DAB1: variants seen among roughly 807,000 people sequenced by gnomAD.
DAB1 encodes disabled homolog 1.
In DAB1, 15 loss-of-function variants were observed where a neutral mutation model predicts 64.6. The ratio of observed to expected loss-of-function variants is 0.23; its 90% CI spans 0.16 to 0.36. The LOEUF (loss-of-function observed/expected upper bound fraction) is 0.36. Among genes scored for constraint, DAB1 ranks in the 10% least tolerant of loss-of-function variants. The pLI, the probability that DAB1 is intolerant of heterozygous loss-of-function variation, is 1.00. For missense variants in DAB1, 596 were observed against 706.7 expected (o/e 0.84, Z 1.78); for synonymous variants, 235 against 251.9 (o/e 0.93, Z 0.64).
intron 7 of DAB1, among the ~76,000 whole-genome samples, chr1:57,501,855 CCCAAA>C (rs1427508065): frequency 6.6e-5 from 10 of 152,168 alleles, no homozygotes; most frequent in South Asian, 2.1e-4. Flanking sequence ...CCTCTCTTTG[CCCAAA>C]CCAACAACTA....
chr1:57,253,176 G>A (rs929417720), intron 2 of DAB1, among the ~76,000 whole-genome samples: 4 of 152,148 alleles, frequency 2.6e-5, no homozygotes, highest in Middle Eastern at 3.2e-3. Context: ...AGGCCAACCA[G>A]GGCAAGCTCT....
chr1:57,906,086 A>T (rs1043362920), intron 5 of DAB1, among the ~76,000 whole-genome samples: 1 of 152,150 alleles, frequency 6.6e-6, no homozygotes, highest in Non-Finnish European at 1.5e-5. Context: ...GGTTCTCCCA[A>T]TGGAAGTAGT....
intron 3 of DAB1, among the ~76,000 whole-genome samples, chr1:57,138,627 C>T (rs1158539416): frequency 2.6e-5 from 4 of 152,164 alleles, no homozygotes; most frequent in Admixed American, 6.5e-5. Context: ...GCTCAATGTG[C>T]TCCTTGTTTT....
intron 7 of DAB1, among the ~76,000 whole-genome samples, chr1:57,553,313 C>A (rs1002065709): frequency 1.5e-5 from 2 of 131,674 alleles, no homozygotes; most frequent in Non-Finnish European, 3.2e-5. Context: ...GTAATAGGAA[C>A]CAATTCAAGA....
At chr1:57,648,730 A>G (rs904878734) in intron 7 of DAB1, among the ~76,000 whole-genome samples, 1 of 152,190 alleles carries the variant, frequency 6.6e-6, no homozygotes, top group African/African-American at 2.4e-5. Flanking sequence ...TTAATGGACC[A>G]TTGTTTAATT....
At chr1:57,662,493 G>T (rs1646399452) in intron 6 of DAB1, among the ~76,000 whole-genome samples, 1 of 152,202 alleles carries the variant, frequency 6.6e-6, no homozygotes, top group Non-Finnish European at 1.5e-5. Flanking sequence ...ACCACGCCTG[G>T]CCTGGAGATT....
At chr1:57,141,726 A>G (rs1658605223) in intron 3 of DAB1, among the ~76,000 whole-genome samples, 1 of 152,044 alleles carries the variant, frequency 6.6e-6, no homozygotes, top group African/African-American at 2.4e-5. Flanking sequence ...CTTAACTTCA[A>G]TCACCACCAT....
chr1:58,029,977 G>A (rs1017606723), intron 5 of DAB1, among the ~76,000 whole-genome samples: 4 of 152,054 alleles, frequency 2.6e-5, no homozygotes, highest in African/African-American at 7.2e-5. Context: ...AGGCTGAGAC[G>A]GGCAGATCAC....
chr1:57,171,350 A>C (rs1007797807), intron 2 of DAB1, among the ~76,000 whole-genome samples: 5 of 152,226 alleles, frequency 3.3e-5, no homozygotes, highest in Non-Finnish European at 7.3e-5. Context: ...TGCTTAGTAC[A>C]ATGCAAATCA....
chr1:57,235,326 T>C (rs914585607), intron 2 of DAB1, among the ~76,000 whole-genome samples: 7 of 152,232 alleles, frequency 4.6e-5, no homozygotes, highest in African/African-American at 1.7e-4. Flanking sequence ...ACATAGTAGG[T>C]ACACAGAAAC....
chr1:58,333,361 G>GA (rs940807076), intron 4 of DAB1, among the ~76,000 whole-genome samples: 4 of 151,636 alleles, frequency 2.6e-5, no homozygotes, highest in South Asian at 2.1e-4. Flanking sequence ...CAGAAAAAAG[G>GA]AAAAAAAATT....
At chr1:57,670,088 A>G (rs549528424) in intron 6 of DAB1, among the ~76,000 whole-genome samples, 2 of 152,274 alleles carry the variant, frequency 1.3e-5, no homozygotes, top group Non-Finnish European at 2.9e-5. Flanking sequence ...CACTGAAATT[A>G]TTTTTATTCA....
rs985309525 is a variant in DAB1 at position 57,624,311 on chromosome 1, T to C, written n.625+25281A>G. 3.3e-4 allele frequency among the ~76,000 whole-genome samples: 50 copies of C among 152,166 alleles called. 1 individual carries two copies. Among genetic ancestry groups the C allele is most frequent in the Non-Finnish European group, 1.3e-4 (9 of 68,046 alleles). ...CTTTTGGTGTCACATGACACCAGGA[T>C]GAAATCAGCTCTGCCACTTACCAGC... On this transcript the variant is annotated intron_variant and non_coding_transcript_variant, in intron 7 of 20. Coordinates refer to the DAB1 transcript ENST00000485760.
intron 7 of DAB1, among the ~76,000 whole-genome samples, chr1:57,471,831 C>G (rs1009041218): frequency 1.3e-5 from 2 of 152,164 alleles, no homozygotes; most frequent in Non-Finnish European, 2.9e-5. Context: ...TGTCATATAT[C>G]TGTATTATAC....
intron 1 of DAB1, among the ~76,000 whole-genome samples, chr1:57,347,101 G>A (rs1678173080): frequency 6.6e-6 from 1 of 152,188 alleles, no homozygotes; most frequent in Non-Finnish European, 1.5e-5. Context: ...GGAAGGGAGA[G>A]CCCATTCAGT....
chr1:57,365,573 A>AAT (rs1679929942), intron 1 of DAB1, among the ~76,000 whole-genome samples: 1 of 151,928 alleles, frequency 6.6e-6, no homozygotes, highest in Admixed American at 6.6e-5. Flanking sequence ...ACCCCATAAC[A>AAT]GTTTGAAGAC....
At chr1:57,701,902 T>C (rs1425992867) in intron 6 of DAB1, among the ~76,000 whole-genome samples, 1 of 152,128 alleles carries the variant, frequency 6.6e-6, no homozygotes, top group African/African-American at 2.4e-5. Flanking sequence ...TTCTGAATTG[T>C]TTATTTCTGC....
intron 4 of DAB1, among the ~76,000 whole-genome samples, chr1:57,088,084 T>C (rs1404530267): frequency 1.3e-5 from 2 of 152,214 alleles, no homozygotes; most frequent in Non-Finnish European, 2.9e-5. Flanking sequence ...TTGTTTTGAT[T>C]TTTGAGACAG....
At chr1:58,427,267 G>A (rs572460046) in intron 3 of DAB1, among the ~76,000 whole-genome samples, 1 of 152,300 alleles carries the variant, frequency 6.6e-6, no homozygotes, top group Admixed American at 6.5e-5. Flanking sequence ...GACCAAGGTA[G>A]TGGGGTCTGT....
Sources: allele counts gnomAD v4.1 joint callset (sites outside exome capture counted in the v4.1 genomes callset), GRCh38; gene constraint gnomAD v4.1.1; transcripts MANE v1.5; gene names NCBI Gene and HGNC (gene_info 2026-07-23, HGNC 2026-07-21).